The following ESRP2 variants were observed in gnomAD, a reference collection of about 807,000 sequenced individuals.
The protein encoded by ESRP2 is epithelial splicing regulatory protein 2, also known as RNA binding motif protein 35A.
ESRP2 carries 48 observed loss-of-function variants against 78.6 expected under a neutral mutation model. The ratio of observed to expected loss-of-function variants is 0.61; its 90% CI spans 0.48 to 0.78. The LOEUF (loss-of-function observed/expected upper bound fraction) is 0.78, where lower values mean the gene tolerates loss of function less well. ESRP2 is among the 30% of genes least tolerant of loss of function. The pLI, the probability that ESRP2 is intolerant of heterozygous loss-of-function variation, is 0.00. For synonymous variants in ESRP2, 383 were observed against 406.7 expected (o/e 0.94, Z 0.70); for missense variants, 863 against 965.9 (o/e 0.89, Z 1.41).
In ESRP2 at chr16:68,235,933, G is replaced by C. The variant is rs774801980; in HGVS notation, c.113C>G (p.Ala38Gly). 5.6e-6 allele frequency: 9 copies of C among 1,611,448 alleles called. No homozygotes were observed. In the South Asian group the frequency reaches 9.9e-5, roughly 18 times the overall value. The change falls in exon 1 of 15, where the codon GCG becomes GGG. Residue 38 changes from alanine to glycine, a missense_variant. Transcript: ENST00000473183. This position sits in a 1 kb window ranked among gnomAD's most constrained non-coding sequence, Gnocchi z 5.5. ...GSLVVLFGAT[A>G]GALGRDLGSD... ...GCCCAGGTCCCGTCCCAGCGCACCC[G>C]CCGTAGCCCCGAAGAGGACGACCAG...
rs1172476949 is a variant in ESRP2, at chr16:68,235,794, G to C, written c.199-32C>G. 1.2e-6 allele frequency: 2 copies of C among 1,609,854 alleles called. No individual in the cohort carries two copies. The highest frequency in any genetic ancestry group is 1.7e-6 in the Non-Finnish European group (2 of 1,178,604). On this transcript the variant is annotated intron_variant, in intron 1 of 14. Coordinates refer to ENST00000473183, the MANE Select transcript of ESRP2 (RefSeq NM_024939.3). The surrounding 1 kb of genome is among the most constrained non-coding windows in gnomAD (Gnocchi z 5.5). ...GCGGCGGGGGAAACCGATCAGCCGC[G>C]CCCCTCGACCCCGGAAGCTCCCTGG...
chr16:68,233,525 G>T, intron 4 of ESRP2, 100 bp from the exon 5 acceptor site: 1 of 947,250 alleles, frequency 1.1e-6, no homozygotes, highest in Non-Finnish European at 1.7e-6. Context: ...CTGGAGACCA[G>T]CATACACATT....
rs201969063 is a variant in ESRP2, at chr16:68,232,726, C to T, written c.710+35G>A. 5.1e-5 allele frequency: 82 copies of T among 1,614,238 alleles called. No homozygotes were observed. In the Middle Eastern group the frequency reaches 1.3e-3, roughly 26 times the overall value. On this transcript the variant is annotated intron_variant, in intron 6 of 14. Transcript: ENST00000473183. The surrounding 1 kb of genome is among the most constrained non-coding windows in gnomAD (Gnocchi z 5.2). ...GCACAGTGCTGTCAGAGCTATTCAG[C>T]TGTTGTCACCCCCAGCCCCTGCTCC... is the stretch of plus-strand genomic sequence containing the variant.
At position 68,233,429 on chromosome 16, in the gene ESRP2, T is replaced by C. The variant is rs2042174640; in HGVS notation, c.557-4A>G. On this transcript the variant is annotated splice_region_variant and splice_polypyrimidine_tract_variant and intron_variant, in intron 4 of 14. Transcript: ENST00000473183. ...GCATCTGTCTCCAGTCCTAAACCTA[T>C]GGGCAGAGAAGTGACAGTGAAGACA... 1.2e-6 allele frequency: 2 copies of C among 1,609,600 alleles called. No homozygotes were observed. The highest frequency in any genetic ancestry group is 1.7e-6 in the Non-Finnish European group (2 of 1,175,890).
rs1053409769 is a variant in ESRP2 at position 68,235,572 on chromosome 16, G to T, written c.327+62C>A. The T allele has an allele frequency of 2.1e-5, 34 of 1,584,426 alleles. No individual in the cohort carries two copies. Among genetic ancestry groups the T allele is most frequent in the Non-Finnish European group, 2.9e-5 (34 of 1,174,150 alleles). ...GGCACGCCAGGCCTAGCCTCCGGCC[G>T]CCAATCCCGCCCAGAAATGTCCTCA... On this transcript the variant is annotated intron_variant, in intron 2 of 14. Coordinates refer to ENST00000473183, the MANE Select transcript of ESRP2 (RefSeq NM_024939.3). The surrounding 1 kb of genome is among the most constrained non-coding windows in gnomAD (Gnocchi z 5.5).
Position 68,231,837 on chromosome 16 carries a change from C to G in ESRP2, c.1264G>C (p.Glu422Gln). ...HKGMLGKRYI[E>Q]LFRSTAAEVQ... is the part of the protein sequence containing the mutation. ...TCGGCTGCAGTGCTCCGGAAGAGTT[C>G]AATGTATCGCTTACCCAGCATGCCC... Residue 422 changes from glutamate (E) to glutamine (Q), a missense_variant, in exon 10 of 15, where the codon GAA (glutamate) becomes CAA (glutamine). By Grantham distance (29) the Glu-to-Gln change is conservative. Transcript: ENST00000473183. The surrounding 1 kb of genome is among the most constrained non-coding windows in gnomAD (Gnocchi z 6.0). 6.2e-7 allele frequency: 1 copy of G among 1,613,566 alleles called. No individual in the cohort carries two copies. The highest frequency in any genetic ancestry group is 1.7e-5 in the Admixed American group (1 of 60,000).
intron 13 of ESRP2, 109 bp downstream of exon 13, chr16:68,230,732 T>TC: frequency 6.7e-7 from 1 of 1,493,810 alleles, no homozygotes; most frequent in Non-Finnish European, 9.1e-7. Flanking sequence ...GCCACCTTAC[T>TC]CCCTTGTCAT....
In ESRP2 at chr16:68,231,551, G is replaced by A; in HGVS notation, c.1443C>T (p.Ile481=). 6.2e-7 allele frequency: 1 copy of A among 1,614,126 alleles called. No homozygotes were observed. Among genetic ancestry groups the A allele is most frequent in the African/African-American group, 1.3e-5 (1 of 75,024 alleles). ...CTGCTGCCTCCCCCAGAAAGCTCAG[G>A]ATGTCTTCAATGGTGGCCGTGTAGG... ...GLPYTATIED[I]LSFLGEAAAD... is the part of the protein sequence containing the mutation. The change falls in exon 11 of 15, where the codon ATC becomes ATT. Residue 481 remains isoleucine, a synonymous_variant. Transcript: ENST00000473183. The surrounding 1 kb of genome is among the most constrained non-coding windows in gnomAD (Gnocchi z 6.0).
chr16:68,230,864 C>T lies in ESRP2; in HGVS notation c.1875G>A (p.Leu625=). 6.2e-7 allele frequency: 1 copy of T among 1,613,912 alleles called. No homozygotes were observed. Among genetic ancestry groups the T allele is most frequent in the Non-Finnish European group, 8.5e-7 (1 of 1,179,960 alleles). The change falls in exon 13 of 15, where the codon CTG becomes CTA. Residue 625 remains leucine, a synonymous_variant. Coordinates refer to ENST00000473183, the MANE Select transcript of ESRP2 (RefSeq NM_024939.3). ...YYPGPATQLY[L]NYTAYYPSPP... is the part of the protein sequence containing the mutation. ...ACCTTGGGTAGTAGGCTGTGTAGTT[C>T]AGGTAGAGTTGAGTGGCTGGCCCTG...
chr16:68,233,454 A>G, intron 4 of ESRP2, 29 bp from the exon 5 acceptor site: 2 of 1,528,284 alleles, frequency 1.3e-6, no homozygotes, highest in Non-Finnish European at 1.8e-6. Context: ...CAGTGAAGAC[A>G]TCTTAGCATA....
At position 68,235,789 on chromosome 16, in the gene ESRP2, G is replaced by A. The variant is rs1266105300; in HGVS notation, c.199-27C>T. On this transcript the variant is annotated intron_variant, in intron 1 of 14. Transcript: ENST00000473183. This position sits in a 1 kb window ranked among gnomAD's most constrained non-coding sequence, Gnocchi z 5.5. Reference sequence around the variant, plus strand: ...TGTGAGCGGCGGGGGAAACCGATCAGCCGCGCCCCTCGACCCCGGAAGCTC... The same window carrying A: ...TGTGAGCGGCGGGGGAAACCGATCAACCGCGCCCCTCGACCCCGGAAGCTC... 6.2e-7 allele frequency: 1 copy of A among 1,608,792 alleles called. No individual in the cohort carries two copies. The highest frequency in any genetic ancestry group is 1.3e-5 in the African/African-American group (1 of 74,806).
Position 68,232,302 on chromosome 16 carries a change from G to C in ESRP2, c.955-14C>G, listed in dbSNP as rs1242576994. The C allele has an allele frequency of 1.2e-6, 2 of 1,614,176 alleles. No homozygotes were observed. The highest frequency in any genetic ancestry group is 1.7e-6 in the Non-Finnish European group (2 of 1,180,016). On this transcript the variant is annotated splice_polypyrimidine_tract_variant and intron_variant, in intron 8 of 14. Coordinates refer to ENST00000473183, the MANE Select transcript of ESRP2 (RefSeq NM_024939.3). This position sits in a 1 kb window ranked among gnomAD's most constrained non-coding sequence, Gnocchi z 5.2. Reference sequence around the variant, plus strand: ...CGCTTTATACACCTGTGGGTACAGAGAGCAGCAGCCCATGGGTCTCAGGCC... The same window carrying C: ...CGCTTTATACACCTGTGGGTACAGACAGCAGCAGCCCATGGGTCTCAGGCC...
At chr16:68,233,722 T>G in intron 4 of ESRP2, 46 bp downstream of exon 4, 1 of 1,400,958 alleles carries the variant, frequency 7.1e-7, no homozygotes, top group Non-Finnish European at 1.0e-6. Flanking sequence ...CAGACACATG[T>G]ACCCACAGTG....
chr16:68,234,349 C>T, intron 2 of ESRP2: 3 of 521,340 alleles, frequency 5.8e-6, no homozygotes, highest in East Asian at 3.3e-5. Flanking sequence ...CACATATAAC[C>T]GAAGCCCTCA....
At position 68,235,203 on chromosome 16, in the gene ESRP2, C is replaced by A; in HGVS notation, c.327+431G>T. ...TACCTCTAGGGCCGACACCGCCCTACGCCTCCGCTCCAGCAGCTCCCAAGC... is the reference window on the plus strand; with the variant it reads ...TACCTCTAGGGCCGACACCGCCCTAAGCCTCCGCTCCAGCAGCTCCCAAGC... On this transcript the variant is annotated intron_variant, in intron 2 of 14. Coordinates refer to ENST00000473183, the MANE Select transcript of ESRP2 (RefSeq NM_024939.3). This position sits in a 1 kb window ranked among gnomAD's most constrained non-coding sequence, Gnocchi z 5.5. 1.0e-6 allele frequency: 1 copy of A among 985,336 alleles called. No homozygotes were observed. Among genetic ancestry groups the A allele is most frequent in the Non-Finnish European group, 1.2e-6 (1 of 829,932 alleles). The allele number at this position is 985,336 out of a possible 1,614,324, so 61.0% of individuals were successfully genotyped here.
At position 68,235,649 on chromosome 16, in the gene ESRP2, G is replaced by C; in HGVS notation, c.312C>G (p.Asp104Glu). ...CGGCGCTCACCTGCTGCAGCACCTTGTCCAGCGGCTCTGCCCGCGCCAGGC... is the reference window on the plus strand; with the variant it reads ...CGGCGCTCACCTGCTGCAGCACCTTCTCCAGCGGCTCTGCCCGCGCCAGGC... The part of the protein sequence containing the change: ...ADSLARAEPL[D>E]KVLQQFSQLV... The change falls in exon 2 of 15, where the codon GAC becomes GAG. Residue 104 changes from aspartate (D) to glutamate (E), a missense_variant. By Grantham distance (45) the Asp-to-Glu change is conservative. Transcript: ENST00000473183. This position sits in a 1 kb window ranked among gnomAD's most constrained non-coding sequence, Gnocchi z 5.5. The C allele has an allele frequency of 6.3e-7, 1 of 1,597,552 alleles. No individual in the cohort carries two copies. The highest frequency in any genetic ancestry group is 8.5e-7 in the Non-Finnish European group (1 of 1,178,956).
In ESRP2 at chr16:68,232,389, C is replaced by T; in HGVS notation, c.936G>A (p.Met312Ile). The change falls in exon 8 of 15, where the codon ATG becomes ATA. Residue 312 changes from methionine to isoleucine, a missense_variant. Physicochemically the swap from Met to Ile is conservative, Grantham distance 10. Coordinates refer to ENST00000473183, the MANE Select transcript of ESRP2 (RefSeq NM_024939.3). The surrounding 1 kb of genome is among the most constrained non-coding windows in gnomAD (Gnocchi z 5.2). ...GCCCCACCTCAATATAGCGGACGCC[C>T]ATGTGGTGCTTGTGTCTCTGCAGCG... ...DLALQRHKHHMGVRYIEVYKA... is the reference protein window; with the variant it reads ...DLALQRHKHHIGVRYIEVYKA... The T allele has an allele frequency of 1.9e-6, 3 of 1,614,082 alleles. No individual in the cohort carries two copies. Among genetic ancestry groups the T allele is most frequent in the Non-Finnish European group, 2.5e-6 (3 of 1,179,994 alleles).
Position 68,232,248 on chromosome 16 carries a change from C to G in ESRP2, c.995G>C (p.Gly332Ala), listed in dbSNP as rs747861789. 7 of 1,614,028 alleles carry G rather than the reference C, an allele frequency of 4.3e-6. No homozygotes were observed. The highest frequency in any genetic ancestry group is 5.9e-6 in the Non-Finnish European group (7 of 1,180,028). ...GGCCCTGTTTGCAGTATACTCACCCCCTGCAATCTTTACAAACTCCTCCCC... is the reference window on the plus strand; with the variant it reads ...GGCCCTGTTTGCAGTATACTCACCCGCTGCAATCTTTACAAACTCCTCCCC... Reference protein sequence around the residue: ...ATGEEFVKIAGGTSLEVARFL... With the variant: ...ATGEEFVKIAAGTSLEVARFL... Residue 332 changes from glycine to alanine, a missense_variant and splice_region_variant, in exon 9 of 15, where the codon GGG (glycine) becomes GCG (alanine). Transcript: ENST00000473183. The surrounding 1 kb of genome is among the most constrained non-coding windows in gnomAD (Gnocchi z 5.2).
chr16:68,235,936 G>T lies in ESRP2; in HGVS notation c.110C>A (p.Thr37Lys). The change falls in exon 1 of 15, where the codon ACG becomes AAG. Residue 37 changes from threonine (T) to lysine (K), a missense_variant. Thr to Lys is a moderately conservative substitution (Grantham distance 78, BLOSUM62 -1). Coordinates refer to ENST00000473183, the MANE Select transcript of ESRP2 (RefSeq NM_024939.3). The surrounding 1 kb of genome is among the most constrained non-coding windows in gnomAD (Gnocchi z 5.5). ...PGSLVVLFGATAGALGRDLGS... is the reference protein window; with the variant it reads ...PGSLVVLFGAKAGALGRDLGS... Reference sequence around the variant, plus strand: ...CAGGTCCCGTCCCAGCGCACCCGCCGTAGCCCCGAAGAGGACGACCAGTGA... The same window carrying T: ...CAGGTCCCGTCCCAGCGCACCCGCCTTAGCCCCGAAGAGGACGACCAGTGA... 1 of 1,611,552 alleles carries T rather than the reference G, an allele frequency of 6.2e-7. No individual in the cohort carries two copies. Among genetic ancestry groups the T allele is most frequent in the South Asian group, 1.1e-5 (1 of 90,988 alleles).
Sources: allele counts gnomAD v4.1 joint callset, GRCh38; gene constraint gnomAD v4.1.1; non-coding constraint Gnocchi (gnomAD v3.1); transcripts MANE v1.5; gene names NCBI Gene and HGNC (gene_info 2026-07-23, HGNC 2026-07-21).